RGS8: variants seen among roughly 807,000 people sequenced by gnomAD.
RGS8 encodes the protein regulator of G-protein signaling 8.
RGS8 carries 8 observed loss-of-function variants against 21.7 expected under a neutral mutation model. That is an observed-to-expected ratio of 0.37 (90% CI 0.22 to 0.66). The LOEUF (loss-of-function observed/expected upper bound fraction) is 0.66. RGS8 is among the 30% of genes least tolerant of loss of function. RGS8 has a pLI of 0.59. For missense variants in RGS8, 157 were observed against 217.9 expected (o/e 0.72, Z 1.76); for synonymous variants, 80 against 83.6 (o/e 0.96, Z 0.24).
upstream of RGS8, among the ~76,000 whole-genome samples, chr1:182,685,293 G>T (rs1054756434): frequency 3.9e-5 from 6 of 152,168 alleles, no homozygotes; most frequent in Non-Finnish European, 8.8e-5. Context: ...GTCTGTAAAG[G>T]TCCATTTGGA....
At chr1:182,653,182 C>T (rs1448809193) in intron 5 of RGS8, among the ~76,000 whole-genome samples, 1 of 152,080 alleles carries the variant, frequency 6.6e-6, no homozygotes, top group Non-Finnish European at 1.5e-5. Flanking sequence ...GAGAAGCAGT[C>T]AGTAGATTCA....
chr1:182,744,195 T>C, the RGS8 span, among the ~76,000 whole-genome samples: 1 of 152,172 alleles, frequency 6.6e-6, no homozygotes, highest in South Asian at 2.1e-4. Flanking sequence ...TCTTACTCTC[T>C]CATCCAAGCT....
chr1:182,648,897 T>C (rs1662845260), intron 5 of RGS8, among the ~76,000 whole-genome samples: 1 of 152,174 alleles, frequency 6.6e-6, no homozygotes, highest in Non-Finnish European at 1.5e-5. Flanking sequence ...GGTCAGGAGT[T>C]CGAGACCAGC....
At chr1:182,677,554 CA>C (rs1373942707), upstream of RGS8, among the ~76,000 whole-genome samples, 1 of 152,204 alleles carries the variant, frequency 6.6e-6, no homozygotes, top group East Asian at 1.9e-4. Flanking sequence ...ACCACCTGCT[CA>C]GCGAGGTGAG....
chr1:182,694,163 T>C, the RGS8 span, among the ~76,000 whole-genome samples: 2 of 152,132 alleles, frequency 1.3e-5, no homozygotes, highest in Admixed American at 6.6e-5. Context: ...AGTTTACTTG[T>C]ATTTGTTTCT....
At chr1:182,733,522 T>C in the RGS8 span, among the ~76,000 whole-genome samples, 1 of 152,154 alleles carries the variant, frequency 6.6e-6, no homozygotes, top group Non-Finnish European at 1.5e-5. Flanking sequence ...TTGGGACCAG[T>C]CACAAGCTTA....
chr1:182,700,362 G>T, the RGS8 span, among the ~76,000 whole-genome samples: 1 of 152,154 alleles, frequency 6.6e-6, no homozygotes, highest in East Asian at 1.9e-4. Context: ...CGACACACAC[G>T]CTAGTCTACA....
intron 2 of RGS8, 21 bp from the exon 4 acceptor site, chr1:182,669,773 G>A (rs1197612997): frequency 1.5e-5 from 24 of 1,556,460 alleles, no homozygotes; most frequent in South Asian, 6.0e-5. Flanking sequence ...AGAATCTGCT[G>A]TAAGAGGGGC....
chr1:182,710,211 C>T, the RGS8 span, among the ~76,000 whole-genome samples: 2 of 152,174 alleles, frequency 1.3e-5, no homozygotes, highest in Non-Finnish European at 1.5e-5. Context: ...CAAATAAGGT[C>T]CCCTGGCCAA....
the RGS8 span, among the ~76,000 whole-genome samples, chr1:182,737,507 A>G: frequency 6.6e-6 from 1 of 152,050 alleles, no homozygotes; most frequent in Non-Finnish European, 1.5e-5. Flanking sequence ...ATAGCAAATA[A>G]GTCTTACGAG....
intron 1 of RGS8, among the ~76,000 whole-genome samples, chr1:182,683,171 C>A (rs1191553420): frequency 6.6e-6 from 1 of 152,214 alleles, no homozygotes; most frequent in Admixed American, 6.5e-5. Flanking sequence ...GTCTAACACA[C>A]ACTTCTTTCA....
the RGS8 span, among the ~76,000 whole-genome samples, chr1:182,694,757 G>A: frequency 2.0e-5 from 3 of 150,002 alleles, no homozygotes; most frequent in Non-Finnish European, 2.9e-5. Flanking sequence ...GCAGTGAACC[G>A]AGATAGAGCC....
intron 5 of RGS8, among the ~76,000 whole-genome samples, chr1:182,663,721 G>A (rs1320109094): frequency 6.6e-6 from 1 of 151,922 alleles, no homozygotes; most frequent in Non-Finnish European, 1.5e-5. Flanking sequence ...TACAGACAGG[G>A]TCTCACTATG....
chr1:182,691,284 C>G, the RGS8 span, among the ~76,000 whole-genome samples: 7 of 152,212 alleles, frequency 4.6e-5, no homozygotes, highest in African/African-American at 1.7e-4. Flanking sequence ...CAAATTTTAG[C>G]TCTCTTCCTT....
At chr1:182,671,211 A>T (rs1302303709) in intron 2 of RGS8, among the ~76,000 whole-genome samples, 1 of 152,086 alleles carries the variant, frequency 6.6e-6, no homozygotes, top group African/African-American at 2.4e-5. Flanking sequence ...CAGACCCTCC[A>T]CTACCCATTT....
chr1:182,695,713 G>A, the RGS8 span, among the ~76,000 whole-genome samples: 1 of 152,298 alleles, frequency 6.6e-6, no homozygotes, highest in African/African-American at 2.4e-5. Flanking sequence ...GTGGTTGATA[G>A]ACAATGCAGA....
At chr1:182,748,380 C>A in the RGS8 span, among the ~76,000 whole-genome samples, 2 of 152,158 alleles carry the variant, frequency 1.3e-5, no homozygotes, top group African/African-American at 4.8e-5. Context: ...CTTTCTGTGC[C>A]CAGCTTATTG....
the RGS8 span, among the ~76,000 whole-genome samples, chr1:182,751,214 G>A: frequency 6.6e-6 from 1 of 152,208 alleles, no homozygotes. Flanking sequence ...GATTTGTTGT[G>A]TAGGCAATGT....
the RGS8 span, among the ~76,000 whole-genome samples, chr1:182,692,298 C>T: frequency 6.6e-6 from 1 of 152,068 alleles, no homozygotes; most frequent in African/African-American, 2.4e-5. Context: ...CCATCGGACC[C>T]AGCAGTTAGT....
Sources: gnomAD v4.1 joint callset for allele counts (sites outside exome capture counted in the v4.1 genomes callset) on GRCh38, gnomAD v4.1.1 for gene constraint, MANE v1.5 for transcripts, NCBI Gene and HGNC (gene_info 2026-07-23, HGNC 2026-07-21) for gene names.